Variants in DYRK4 observed in about 807,000 individuals in gnomAD.
DYRK4 encodes the protein dual specificity tyrosine-phosphorylation-regulated kinase 4.
DYRK4 carries 64 observed loss-of-function variants against 68.3 expected under a neutral mutation model. The ratio of observed to expected loss-of-function variants is 0.94; its 90% CI spans 0.77 to 1.15. DYRK4 has a LOEUF of 1.15. Ranked by LOEUF, DYRK4 falls within the 50% of genes most tolerant of loss-of-function variation. DYRK4 has a pLI of 0.00. For missense variants in DYRK4, 740 were observed against 764.7 expected (o/e 0.97, Z 0.38); for synonymous variants, 274 against 289.9 (o/e 0.95, Z 0.56).
chr12:4,584,359 C>T (rs907030190), intron 2 of DYRK4, among the ~76,000 whole-genome samples: 7 of 152,130 alleles, frequency 4.6e-5, no homozygotes, highest in Non-Finnish European at 7.3e-5. Context: ...TGCATCCTTC[C>T]GGCTTGCGGA....
intron 2 of DYRK4, among the ~76,000 whole-genome samples, chr12:4,586,852 CA>C (rs777857688): frequency 2.0e-5 from 3 of 152,214 alleles, no homozygotes; most frequent in Non-Finnish European, 2.9e-5. Context: ...TGAACTCTAG[CA>C]GACAACTTTG....
intron 2 of DYRK4, among the ~76,000 whole-genome samples, chr12:4,577,664 A>G (rs189521275): frequency 1.8e-4 from 27 of 152,344 alleles, no homozygotes; most frequent in Non-Finnish European, 3.1e-4. Flanking sequence ...TGTCCATAAA[A>G]TAACTTGCTA....
rs1327677517 is a variant in DYRK4 at position 4,596,222 on chromosome 12, C to T, written c.701C>T (p.Ala234Val). The T allele has an allele frequency of 6.2e-7, 1 of 1,614,016 alleles. No homozygotes were observed. Among genetic ancestry groups the T allele is most frequent in the Non-Finnish European group, 8.5e-7 (1 of 1,180,032 alleles). ...GGGAAGGGGTCCTTTGGACAGGTGG[C>T]CAAGTGCTTGGATCACAAAAACAAT... ...TIGKGSFGQV[A>V]KCLDHKNNEL... The change falls in exon 7 of 15, where the codon GCC (alanine) becomes GTC (valine). Residue 234 changes from alanine to valine, a missense_variant. Coordinates refer to ENST00000543431, the MANE Select transcript of DYRK4 (RefSeq NM_001394779.1).
At chr12:4,580,785 A>C (rs778625756) in intron 2 of DYRK4, 9 of 452,242 alleles carry the variant, frequency 2.0e-5, no homozygotes, top group South Asian at 1.2e-4. Context: ...TCCAACCACC[A>C]GGCACTTAGG....
chr12:4,610,292 T>G lies in DYRK4; in HGVS notation c.1490+8T>G, dbSNP rs754352732. 1 of 1,535,514 alleles carries G rather than the reference T, an allele frequency of 6.5e-7. No individual in the cohort carries two copies. On this transcript the variant is annotated splice_region_variant and intron_variant, in intron 13 of 14. Transcript: ENST00000543431. ...TCTCAGAAGGTGTTTGGTGTGAGTT[T>G]GTTGGGACATCTCTGCTTCTGGGTT... is the stretch of plus-strand genomic sequence containing the variant.
chr12:4,596,422 AT>A, intron 7 of DYRK4, 137 bp downstream of exon 7: 1 of 1,516,452 alleles, frequency 6.6e-7, no homozygotes, highest in Non-Finnish European at 8.8e-7. Context: ...TACCCGTCTG[AT>A]TCCATGAGGG....
At chr12:4,583,947 G>A (rs1026208890) in intron 2 of DYRK4, among the ~76,000 whole-genome samples, 2 of 152,160 alleles carry the variant, frequency 1.3e-5, no homozygotes, top group African/African-American at 2.4e-5. Context: ...GGACCGCCCC[G>A]CCCGATGACC....
chr12:4,597,142 G>T, intron 8 of DYRK4: 1 of 1,045,918 alleles, frequency 9.6e-7, no homozygotes, highest in South Asian at 3.4e-5. Context: ...TGGGAAATGG[G>T]TTTTGATTTT....
At chr12:4,584,747 G>C (rs1795643409) in intron 2 of DYRK4, among the ~76,000 whole-genome samples, 1 of 151,808 alleles carries the variant, frequency 6.6e-6, no homozygotes, top group South Asian at 2.1e-4. Flanking sequence ...AGTAGAGACG[G>C]GGTTTCATTA....
At chr12:4,601,387 C>G (rs1397466893) in intron 10 of DYRK4, among the ~76,000 whole-genome samples, 1 of 152,190 alleles carries the variant, frequency 6.6e-6, no homozygotes, top group East Asian at 1.9e-4. Context: ...TACAGATGTT[C>G]TCATAGAATG....
chr12:4,594,369 G>A (rs747627916), intron 6 of DYRK4, among the ~76,000 whole-genome samples: 8 of 152,054 alleles, frequency 5.3e-5, no homozygotes, highest in African/African-American at 1.2e-4. Context: ...GATTACAGGC[G>A]CCCGCCACCA....
chr12:4,590,707 C>A, intron 4 of DYRK4: 2 of 574,908 alleles, frequency 3.5e-6, no homozygotes, highest in Non-Finnish European at 5.2e-6. Context: ...AAAGGTGGAA[C>A]CATACAAAAT....
chr12:4,596,844 C>T, intron 8 of DYRK4, 115 bp downstream of exon 8: 3 of 1,549,644 alleles, frequency 1.9e-6, no homozygotes, highest in Non-Finnish European at 2.6e-6. Context: ...CTAGAATGGA[C>T]ATGACAGTCA....
intron 2 of DYRK4, among the ~76,000 whole-genome samples, chr12:4,570,944 A>G (rs11063237): frequency 0.37 from 56,402 of 152,050 alleles, 11,221 homozygotes; most frequent in Middle Eastern, 0.47. Context: ...CTTAGCTGGC[A>G]AGGATCAGAG....
chr12:4,592,330 C>T (rs1157249246), intron 5 of DYRK4, among the ~76,000 whole-genome samples: 1 of 152,132 alleles, frequency 6.6e-6, no homozygotes, highest in African/African-American at 2.4e-5. Flanking sequence ...CTTGCAGTTC[C>T]CTCTCTAGTG....
chr12:4,610,052 GACAGAGAGC>G lies in DYRK4; in HGVS notation c.1361-101_1361-93del, dbSNP rs916435962. 2.9e-6 allele frequency: 3 copies of G among 1,036,834 alleles called. No homozygotes were observed. In the African/African-American group the frequency reaches 4.9e-5, roughly 17 times the overall value. The allele number at this position is 1,036,834 out of a possible 1,614,324, so 64.2% of individuals were successfully genotyped here. ...GGTGTGGCATGAGGCGAGTGTGTAA[GACAGAGAGC>G]AAAAGAGCTACAGAGGCCACTCTAA... On this transcript the variant is annotated intron_variant, in intron 12 of 14. Coordinates refer to ENST00000543431, the MANE Select transcript of DYRK4 (RefSeq NM_001394779.1).
intron 10 of DYRK4, chr12:4,602,994 G>T (rs1433398084): frequency 2.2e-6 from 2 of 901,228 alleles, no homozygotes; most frequent in Admixed American, 4.4e-5. Context: ...TCATTCACGG[G>T]TTCTTGATTC....
chr12:4,577,349 T>A (rs1454803377), intron 2 of DYRK4, among the ~76,000 whole-genome samples: 1 of 152,144 alleles, frequency 6.6e-6, no homozygotes, highest in Non-Finnish European at 1.5e-5. Flanking sequence ...GGACTACAGG[T>A]GTGCACCACC....
At position 4,613,614 on chromosome 12, in the gene DYRK4, A is replaced by C; in HGVS notation, c.1766A>C (p.Asp589Ala). 6.2e-7 allele frequency: 1 copy of C among 1,614,150 alleles called. No individual in the cohort carries two copies. The highest frequency in any genetic ancestry group is 8.5e-7 in the Non-Finnish European group (1 of 1,180,004). The change falls in exon 15 of 15, where the codon GAC (aspartate) becomes GCC (alanine). Residue 589 changes from aspartate to alanine, a missense_variant. By Grantham distance (126) the Asp-to-Ala change is moderately radical (BLOSUM62 -2). Coordinates refer to ENST00000543431, the MANE Select transcript of DYRK4 (RefSeq NM_001394779.1). This position sits in a 1 kb window ranked among gnomAD's most constrained non-coding sequence, Gnocchi z 4.0. ...CAGGACTGTCTCCAGCACGGAGCTG[A>C]CACTGTTCAGCTGCCTCAACTGGTA... The part of the protein sequence containing the change: ...DQQDCLQHGA[D>A]TVQLPQLVDA...
Sources: gnomAD v4.1 joint callset for allele counts (sites outside exome capture counted in the v4.1 genomes callset) on GRCh38, gnomAD v4.1.1 for gene constraint, Gnocchi (gnomAD v3.1) non-coding constraint, MANE v1.5 for transcripts, NCBI Gene and HGNC (gene_info 2026-07-23, HGNC 2026-07-21) for gene names.